The following RIDA variants were observed in gnomAD, a reference collection of about 807,000 sequenced individuals.
RIDA encodes the protein 2-iminobutanoate/2-iminopropanoate deaminase.
RIDA carries 17 observed loss-of-function variants against 17.8 expected under a neutral mutation model. The ratio of observed to expected loss-of-function variants is 0.96; its 90% CI spans 0.65 to 1.43. RIDA has a LOEUF of 1.43. Ranked by LOEUF, RIDA falls within the 40% of genes most tolerant of loss-of-function variation. The probability of loss-of-function intolerance (pLI) is 0.00; values close to 1 mark genes in which losing one functional copy is unlikely to be tolerated. For missense variants in RIDA, 158 were observed against 161.7 expected, an observed-to-expected ratio of 0.98 and a Z score of 0.12; for synonymous variants, 48 against 55.7, an observed-to-expected ratio of 0.86 and a Z score of 0.62.
chr8:98,108,813 A>AGACTTTTTT, intron 1 of RIDA, 62 bp from the exon 2 acceptor site: 1 of 1,038,002 alleles, frequency 9.6e-7, no homozygotes, highest in Non-Finnish European at 1.5e-6. Flanking sequence ...CAATGCTAGA[A>AGACTTTTTT]GACTTTTTTG....
At chr8:98,105,719 A>G (rs11990914) in intron 4 of RIDA, among the ~76,000 whole-genome samples, 14,082 of 152,224 alleles carry the variant, frequency 0.093, 800 homozygotes, top group Middle Eastern at 0.23. Flanking sequence ...GATATGTAGG[A>G]TTTCAGTATA....
chr8:98,102,846 A>G lies in RIDA; in HGVS notation c.410T>C (p.Leu137Pro), dbSNP rs1314209662. The G allele has an allele frequency of 1.2e-6, 2 of 1,610,870 alleles. No homozygotes were observed. Among genetic ancestry groups the G allele is most frequent in the African/African-American group, 2.7e-5 (2 of 74,876 alleles). ...AIQGPLTTAS[L>P] Reference sequence around the variant, plus strand: ...ACTACACAGCACTGGGCCCACTTATAGTGATGCCGTTGTCAGTGGTCCTTG... The same window carrying G: ...ACTACACAGCACTGGGCCCACTTATGGTGATGCCGTTGTCAGTGGTCCTTG... Residue 137 changes from leucine (L) to proline (P), a missense_variant, in exon 6 of 6, where the codon CTA becomes CCA. Coordinates refer to ENST00000254878, the MANE Select transcript of RIDA (RefSeq NM_005836.3).
At chr8:98,111,464 C>A (rs1054960636) in intron 1 of RIDA, among the ~76,000 whole-genome samples, 18 of 152,020 alleles carry the variant, frequency 1.2e-4, no homozygotes, top group African/African-American at 3.9e-4. Context: ...CAAAAATTAG[C>A]CAGTGGTGGT....
intron 2 of RIDA, among the ~76,000 whole-genome samples, chr8:98,107,213 A>G (rs1169830260): frequency 6.6e-6 from 1 of 152,168 alleles, no homozygotes; most frequent in Non-Finnish European, 1.5e-5. Context: ...TTATGAGTGG[A>G]TATTTAGGTT....
chr8:98,105,418 C>CA (rs1195752191), intron 4 of RIDA, among the ~76,000 whole-genome samples: 4 of 152,170 alleles, frequency 2.6e-5, no homozygotes, highest in African/African-American at 9.7e-5. Context: ...TAATAGCTAA[C>CA]ATTTACTCAG....
At chr8:98,114,391 T>G (rs758564363) in intron 1 of RIDA, among the ~76,000 whole-genome samples, 2 of 151,786 alleles carry the variant, frequency 1.3e-5, no homozygotes, top group Non-Finnish European at 2.9e-5. Context: ...AGTGGTGCGA[T>G]CTTGGCTCAC....
Position 98,108,858 on chromosome 8 carries a change from A to C in RIDA, c.66-107T>G. On this transcript the variant is annotated intron_variant, in intron 1 of 5. Coordinates refer to ENST00000254878, the MANE Select transcript of RIDA (RefSeq NM_005836.3). ...AGAAGTATAAATTGTAAAAAAAAAA[A>C]AACAGATACATTGGACTTCATGAAA... 6 of 662,900 alleles carry C rather than the reference A, an allele frequency of 9.1e-6. No homozygotes were observed. In the South Asian group the frequency reaches 1.1e-4, roughly 13 times the overall value. 41.1% of individuals were successfully genotyped at this position (662,900 alleles called of 1,614,324 possible).
chr8:98,103,903 G>A (rs575067375), intron 5 of RIDA, among the ~76,000 whole-genome samples: 2 of 152,130 alleles, frequency 1.3e-5, no homozygotes, highest in East Asian at 3.9e-4. Flanking sequence ...CTCCGAAAGC[G>A]CTGGGATTAC....
intron 1 of RIDA, 128 bp downstream of exon 1, chr8:98,116,904 C>T: frequency 1.4e-6 from 1 of 729,544 alleles, no homozygotes; most frequent in Non-Finnish European, 2.3e-6. Context: ...GGTCTTCGGG[C>T]GCGTTGCTTA....
chr8:98,117,004 C>T (rs769944470), intron 1 of RIDA, 28 bp downstream of exon 1: 3 of 1,599,376 alleles, frequency 1.9e-6, no homozygotes, highest in Non-Finnish European at 2.6e-6. Context: ...CGCCCTGGGT[C>T]CGACACAGCT....
Position 98,106,335 on chromosome 8 carries a change from C to G in RIDA, c.172-9G>C. On this transcript the variant is annotated splice_polypyrimidine_tract_variant and intron_variant, in intron 2 of 5. Coordinates refer to ENST00000254878, the MANE Select transcript of RIDA (RefSeq NM_005836.3). The stretch of plus-strand genomic sequence containing the variant: ...CCCATGTTTTTAAGAGCCTGTGAAC[C>G]AAGCCAAGAAAGGCCTAAGTCACTG... 1.2e-6 allele frequency: 2 copies of G among 1,612,974 alleles called. No individual in the cohort carries two copies. Among genetic ancestry groups the G allele is most frequent in the Middle Eastern group, 1.7e-4 (1 of 6,028 alleles).
intron 2 of RIDA, 147 bp from the exon 3 acceptor site, chr8:98,106,473 G>T: frequency 1.6e-6 from 1 of 641,360 alleles, no homozygotes; most frequent in Non-Finnish European, 2.8e-6. Context: ...TGTGTTTCTT[G>T]GCTTTCCTTT....
rs779190241 is a variant in RIDA at position 98,102,819 on chromosome 8, A to G, written c.*23T>C. 1 of 1,530,578 alleles carries G rather than the reference A, an allele frequency of 6.5e-7. No individual in the cohort carries two copies. Among genetic ancestry groups the G allele is most frequent in the Non-Finnish European group, 8.9e-7 (1 of 1,123,616 alleles). 94.8% of individuals were successfully genotyped at this position (1,530,578 alleles called of 1,614,324 possible). On this transcript the variant is annotated 3_prime_UTR_variant, in exon 6 of 6. Transcript: ENST00000254878. The stretch of plus-strand genomic sequence containing the variant: ...TAAAAATTAAAATGTTAACAATTCC[A>G]GACTACACAGCACTGGGCCCACTTA...
intron 2 of RIDA, among the ~76,000 whole-genome samples, chr8:98,107,776 A>ATTT (rs71271200): frequency 6.7e-6 from 1 of 148,684 alleles, no homozygotes; most frequent in Non-Finnish European, 1.5e-5. Flanking sequence ...TTTTTTTTCT[A>ATTT]TTTTTTTTTT....
At chr8:98,111,045 G>C (rs545778434) in intron 1 of RIDA, among the ~76,000 whole-genome samples, 1 of 152,008 alleles carries the variant, frequency 6.6e-6, no homozygotes, top group Non-Finnish European at 1.5e-5. Context: ...ATAAATACTC[G>C]GGTTGTATCT....
intron 1 of RIDA, among the ~76,000 whole-genome samples, chr8:98,116,462 G>GC (rs1190379672): frequency 6.6e-6 from 1 of 152,168 alleles, no homozygotes; most frequent in African/African-American, 2.4e-5. Flanking sequence ...ATAAAGGACT[G>GC]CATGTTTTAT....
At chr8:98,107,011 T>G (rs1303849081) in intron 2 of RIDA, among the ~76,000 whole-genome samples, 6 of 152,238 alleles carry the variant, frequency 3.9e-5, no homozygotes, top group African/African-American at 1.4e-4. Flanking sequence ...CCACTGTTCC[T>G]AATTTATTGT....
At chr8:98,106,188 C>A (rs1586214553) in intron 3 of RIDA, 84 bp downstream of exon 3, 1 of 1,277,630 alleles carries the variant, frequency 7.8e-7, no homozygotes, top group African/African-American at 1.5e-5. Context: ...AGATATGGCA[C>A]GGCATCTTAC....
chr8:98,108,877 C>A, intron 1 of RIDA, 126 bp from the exon 2 acceptor site: 1 of 591,732 alleles, frequency 1.7e-6, no homozygotes, highest in Non-Finnish European at 3.0e-6. Flanking sequence ...CATTGGACTT[C>A]ATGAAAATTG....
Sources: gnomAD v4.1 joint callset for allele counts (sites outside exome capture counted in the v4.1 genomes callset) on GRCh38, gnomAD v4.1.1 for gene constraint, MANE v1.5 for transcripts, NCBI Gene and HGNC (gene_info 2026-07-23, HGNC 2026-07-21) for gene names.